Variants in METRNL observed in about 807,000 individuals in gnomAD.
The protein encoded by METRNL is meteorin like, glial cell differentiation regulator.
In METRNL, 9 loss-of-function variants were observed where a neutral mutation model predicts 17.4. The observed-to-expected ratio is 0.52, with a 90% CI of 0.31 to 0.90. METRNL has a LOEUF of 0.90. Among genes scored for constraint, METRNL ranks in the 40% least tolerant of loss-of-function variants. The pLI, the probability that METRNL is intolerant of heterozygous loss-of-function variation, is 0.05. For missense variants in METRNL, 408 were observed against 430.7 expected, an observed-to-expected ratio of 0.95 and a Z score of 0.47; for synonymous variants, 215 against 199.3, an observed-to-expected ratio of 1.08 and a Z score of -0.66.
Position 83,081,705 on chromosome 17 carries a change from A to C in METRNL, c.170+1720A>C, listed in dbSNP as rs1226679811. On this transcript the variant is annotated intron_variant, in intron 1 of 3. Transcript: ENST00000320095. ...AGGGGACCCCCCCCAACACACACAC[A>C]CCTGCAGAGCCTGGCAGAGGGCAGC... Among the ~76,000 whole-genome samples the C allele has an allele frequency of 4.6e-5, 7 of 151,852 alleles. No individual in the cohort carries two copies. The East Asian group carries it at 1.4e-3, about 29-fold the overall frequency.
intron 2 of METRNL, among the ~76,000 whole-genome samples, chr17:83,088,065 G>C (rs911220306): frequency 6.6e-6 from 1 of 152,170 alleles, no homozygotes; most frequent in Non-Finnish European, 1.5e-5. Context: ...GCCGGAACAC[G>C]GGGGCAGGCT....
chr17:83,088,924 G>A (rs954429378), intron 2 of METRNL, among the ~76,000 whole-genome samples: 2 of 152,112 alleles, frequency 1.3e-5, no homozygotes, highest in African/African-American at 2.4e-5. Context: ...CCCATCTCTC[G>A]TCCATCTTTG....
At chr17:83,082,103 G>A in intron 1 of METRNL, 23 of 985,410 alleles carry the variant, frequency 2.3e-5, no homozygotes, top group Non-Finnish European at 2.8e-5. Flanking sequence ...CCTCCCTTCC[G>A]TGGGGGGAGG....
Position 83,094,927 on chromosome 17 carries a change from G to A in METRNL, c.*352G>A, listed in dbSNP as rs144391010. 2,250 of 254,826 alleles carry A rather than the reference G, an allele frequency of 8.8e-3. 40 individuals carry two copies. Among genetic ancestry groups the A allele is most frequent in the African/African-American group, 0.043 (1,944 of 45,348 alleles). 15.8% of individuals were successfully genotyped at this position (254,826 alleles called of 1,614,324 possible). ...TTAGGAGTCACGGCATCTGGCCTGC[G>A]GTTGGGTGAAGCACTGGCCGTTGGG... is the stretch of plus-strand genomic sequence containing the variant. On this transcript the variant is annotated 3_prime_UTR_variant, in exon 4 of 4. Transcript: ENST00000320095.
At chr17:83,082,411 T>A (rs2038000297) in intron 1 of METRNL, among the ~76,000 whole-genome samples, 1 of 152,230 alleles carries the variant, frequency 6.6e-6, no homozygotes, top group Admixed American at 6.5e-5. Context: ...GGATTTGCCC[T>A]CCTTTCCATG....
rs2038028964 is a variant in METRNL, at chr17:83,084,698, A to C, written c.171-240A>C. ...ACTCCCGGGAGCTCGGCCCCGCCCC[A>C]CCATGGCTCTTGGTGCAGGTGCACT... On this transcript the variant is annotated intron_variant, in intron 1 of 3. Transcript: ENST00000320095. 5.3e-6 allele frequency: 3 copies of C among 562,086 alleles called. No individual in the cohort carries two copies. In the South Asian group the frequency reaches 7.2e-5, roughly 13 times the overall value. The allele number at this position is 562,086 out of a possible 1,614,324, so 34.8% of individuals were successfully genotyped here.
At chr17:83,090,156 G>A (rs2038103097) in intron 2 of METRNL, among the ~76,000 whole-genome samples, 1 of 119,866 alleles carries the variant, frequency 8.3e-6, no homozygotes, top group East Asian at 2.7e-4. Flanking sequence ...CCCGCCCCAG[G>A]GTGGGAGCCA....
chr17:83,093,129 C>A, intron 2 of METRNL, 38 bp from the exon 3 acceptor site: 2 of 1,572,614 alleles, frequency 1.3e-6, no homozygotes, highest in Non-Finnish European at 1.7e-6. Flanking sequence ...GAGCCTGTCC[C>A]GTCCAGGCTG....
intron 1 of METRNL, chr17:83,084,157 G>A (rs1264560260): frequency 6.6e-6 from 1 of 152,214 alleles, no homozygotes; most frequent in Non-Finnish European, 1.5e-5. Context: ...CGCTTTTGTG[G>A]TGAGTCTTGC....
intron 1 of METRNL, among the ~76,000 whole-genome samples, chr17:83,083,908 G>A (rs2038017977): frequency 6.6e-6 from 1 of 152,268 alleles, no homozygotes; most frequent in Admixed American, 6.5e-5. Context: ...TGAAGTCACC[G>A]GGTTAGTTCC....
intron 1 of METRNL, chr17:83,082,186 C>A: frequency 1.6e-5 from 16 of 985,462 alleles, no homozygotes; most frequent in Non-Finnish European, 1.9e-5. Flanking sequence ...TTGCTGTCAG[C>A]CCGGGCATCG....
At chr17:83,082,987 G>T (rs1053035370) in intron 1 of METRNL, among the ~76,000 whole-genome samples, 1 of 152,262 alleles carries the variant, frequency 6.6e-6, no homozygotes, top group Non-Finnish European at 1.5e-5. Flanking sequence ...GTGCAGACCC[G>T]TCTGAGTGCG....
At position 83,088,036 on chromosome 17, in the gene METRNL, C is replaced by G. The variant is rs1334865298; in HGVS notation, c.556+2713C>G. On this transcript the variant is annotated intron_variant, in intron 2 of 3. Coordinates refer to ENST00000320095, the MANE Select transcript of METRNL (RefSeq NM_001004431.3). The stretch of plus-strand genomic sequence containing the variant: ...CGGCTTCCTTGAGTAAACTGAGACA[C>G]GCCGATGACCAAGAGTTGGCCGGAA... Among the ~76,000 whole-genome samples the G allele has an allele frequency of 2.6e-5, 4 of 152,182 alleles. No homozygotes were observed. The South Asian group carries it at 8.3e-4, about 32-fold the overall frequency.
chr17:83,084,808 G>A (rs564921903), intron 1 of METRNL, 130 bp from the exon 2 acceptor site: 6 of 1,224,450 alleles, frequency 4.9e-6, no homozygotes, highest in South Asian at 1.5e-5. Context: ...TGGCACCTGT[G>A]GCCGGCAGCG....
intron 1 of METRNL, among the ~76,000 whole-genome samples, chr17:83,081,027 A>G (rs1434118576): frequency 6.6e-6 from 1 of 151,542 alleles, no homozygotes. Context: ...CCGCGAAGCC[A>G]CAGTCGCCCC....
chr17:83,094,631 G>A lies in METRNL; in HGVS notation c.*56G>A. On this transcript the variant is annotated 3_prime_UTR_variant, in exon 4 of 4. Coordinates refer to ENST00000320095, the MANE Select transcript of METRNL (RefSeq NM_001004431.3). ...TGAGTCACAGGCTGCGGTGGGCGCT[G>A]CGGTCCTGGTGGGGCCGTGCGGTGA... The A allele has an allele frequency of 7.3e-7, 1 of 1,376,296 alleles. No homozygotes were observed. The highest frequency in any genetic ancestry group is 9.5e-7 in the Non-Finnish European group (1 of 1,056,444). The allele number at this position is 1,376,296 out of a possible 1,614,324, so 85.3% of individuals were successfully genotyped here.
In METRNL at chr17:83,085,314, G is replaced by A. The variant is rs765812124; in HGVS notation, c.547G>A (p.Glu183Lys). The change falls in exon 2 of 4, where the codon GAG becomes AAG. Residue 183 changes from glutamate to lysine, a missense_variant. Glu to Lys is a moderately conservative substitution (Grantham distance 56, BLOSUM62 1). Transcript: ENST00000320095. Reference protein sequence around the residue: ...VRRHRASDLHELSAPCRPCSD... With the variant: ...VRRHRASDLHKLSAPCRPCSD... The stretch of plus-strand genomic sequence containing the variant: ...GAGGCACAGGGCGTCGGACCTGCAC[G>A]AGCTGTCTGGTGAGTGTCCTGCCTG... 15 of 1,524,896 alleles carry A rather than the reference G, an allele frequency of 9.8e-6. No homozygotes were observed. The highest frequency in any genetic ancestry group is 8.4e-5 in the Admixed American group (4 of 47,402). 94.5% of individuals were successfully genotyped at this position (1,524,896 alleles called of 1,614,324 possible).
intron 2 of METRNL, among the ~76,000 whole-genome samples, chr17:83,092,782 GC>G (rs1180142834): frequency 6.6e-6 from 1 of 152,174 alleles, no homozygotes; most frequent in Non-Finnish European, 1.5e-5. Flanking sequence ...GTCCGGCTCA[GC>G]CGCACTGAGG....
rs1451001281 is a variant in METRNL, at chr17:83,094,925, G to A, written c.*350G>A. 2 of 256,484 alleles carry A rather than the reference G, an allele frequency of 7.8e-6. No homozygotes were observed. The highest frequency in any genetic ancestry group is 1.5e-5 in the Non-Finnish European group (2 of 136,258). 15.9% of individuals were successfully genotyped at this position (256,484 alleles called of 1,614,324 possible). A position where few individuals can be genotyped will look rare whatever the true frequency, so the allele number is the denominator to read the frequency against. Reference sequence around the variant, plus strand: ...CGTTAGGAGTCACGGCATCTGGCCTGCGGTTGGGTGAAGCACTGGCCGTTG... The same window carrying A: ...CGTTAGGAGTCACGGCATCTGGCCTACGGTTGGGTGAAGCACTGGCCGTTG... On this transcript the variant is annotated 3_prime_UTR_variant, in exon 4 of 4. Coordinates refer to ENST00000320095, the MANE Select transcript of METRNL (RefSeq NM_001004431.3).
Sources: allele counts gnomAD v4.1 joint callset (sites outside exome capture counted in the v4.1 genomes callset), GRCh38; gene constraint gnomAD v4.1.1; transcripts MANE v1.5; gene names NCBI Gene and HGNC (gene_info 2026-07-23, HGNC 2026-07-21).